Variants in TBXAS1 observed in about 807,000 individuals in gnomAD.
The protein encoded by TBXAS1 is thromboxane A synthase 1.
Under a neutral mutation model 60.7 loss-of-function variants are expected in TBXAS1, and 48 were observed. The ratio of observed to expected loss-of-function variants is 0.79; its 90% CI spans 0.63 to 1.01. The LOEUF is 1.01. Ranked by LOEUF, TBXAS1 falls within the 50% of genes least tolerant of loss-of-function variation. The pLI, the probability that TBXAS1 is intolerant of heterozygous loss-of-function variation, is 0.00. For missense variants in TBXAS1, 685 were observed against 686.3 expected, an observed-to-expected ratio of 1.00 and a Z score of 0.02; for synonymous variants, 287 against 269.7, an observed-to-expected ratio of 1.06 and a Z score of -0.63.
intron 1 of TBXAS1, among the ~76,000 whole-genome samples, chr7:139,779,379 C>G (rs1796903311): frequency 6.6e-6 from 1 of 152,156 alleles, no homozygotes; most frequent in Non-Finnish European, 1.5e-5. Flanking sequence ...ATAATCAATG[C>G]TACACTTCCT....
intron 4 of TBXAS1, among the ~76,000 whole-genome samples, chr7:139,799,818 C>T (rs1216355497): frequency 1.3e-5 from 2 of 152,208 alleles, no homozygotes; most frequent in East Asian, 3.8e-4. Flanking sequence ...ATGTGGCTTT[C>T]ACTTGGCTTC....
chr7:139,839,978 C>T, intron 1 of TBXAS1, among the ~76,000 whole-genome samples: 1 of 114,242 alleles, frequency 8.8e-6, no homozygotes. Flanking sequence ...GAGTGAAACT[C>T]TGTCTCAAAA....
At chr7:139,936,692 C>A (rs979028843) in intron 5 of TBXAS1, among the ~76,000 whole-genome samples, 1 of 152,190 alleles carries the variant, frequency 6.6e-6, no homozygotes, top group Non-Finnish European at 1.5e-5. Flanking sequence ...TTCAAGAGGG[C>A]CAGGGTGGCC....
rs753031062 is a variant in TBXAS1 at position 139,805,712 on chromosome 7, T to TTCTTTCTTTTCTC, written c.-80+18289_-80+18290insTTCTTTTCTCTCT. Among the ~76,000 whole-genome samples, 83 of 44,354 alleles carry TTCTTTCTTTTCTC rather than the reference T, an allele frequency of 1.9e-3. 1 individual carries two copies. Among genetic ancestry groups the TTCTTTCTTTTCTC allele is most frequent in the Admixed American group, 0.016 (69 of 4,314 alleles). The allele number at this position is 44,354 out of a possible 152,430, so 29.1% of individuals were successfully genotyped here. ...TTTCTTTCTTTCTTTCTTTCTTTCTTTCTCTCTCTCTCTCTCTCTTTCTTT... is the reference window on the plus strand; with the variant it reads ...TTTCTTTCTTTCTTTCTTTCTTTCTTTCTTTCTTTTCTCTCTCTCTCTCTCTCTCTCTTTCTTT... On this transcript the variant is annotated intron_variant, in intron 4 of 16. Transcript: ENST00000336425.
rs1047378163 is a variant in TBXAS1, at chr7:139,962,148, T to C, written c.1049T>C (p.Leu350Pro). ...GGCTATGAAATCATCACCAACACAC[T>C]TTCTTTTGCCACCTACCTACTGGCC... Reference protein sequence around the residue: ...IAGYEIITNTLSFATYLLATN... With the variant: ...IAGYEIITNTPSFATYLLATN... The change falls in exon 9 of 13, where the codon CTT becomes CCT. Residue 350 changes from leucine to proline, a missense_variant. By Grantham distance (98) the Leu-to-Pro change is moderately conservative (BLOSUM62 -3). Coordinates refer to ENST00000448866, the MANE Select transcript of TBXAS1 (RefSeq NM_001061.7). 7 of 1,614,052 alleles carry C rather than the reference T, an allele frequency of 4.3e-6. No individual in the cohort carries two copies. Among genetic ancestry groups the C allele is most frequent in the Non-Finnish European group, 5.9e-6 (7 of 1,180,044 alleles).
At chr7:139,978,924 T>C (rs1382881146) in intron 9 of TBXAS1, among the ~76,000 whole-genome samples, 2 of 152,098 alleles carry the variant, frequency 1.3e-5, no homozygotes, top group South Asian at 2.1e-4. Flanking sequence ...CACTGCACTC[T>C]AGCATGGGCG....
At chr7:140,019,329 G>C (rs1190344622) in intron 12 of TBXAS1, among the ~76,000 whole-genome samples, 1 of 152,120 alleles carries the variant, frequency 6.6e-6, no homozygotes, top group African/African-American at 2.4e-5. Flanking sequence ...CCACTGCATC[G>C]GGGCTTCCAC....
chr7:139,879,945 G>A (rs1022242059), intron 3 of TBXAS1, among the ~76,000 whole-genome samples: 24 of 151,170 alleles, frequency 1.6e-4, no homozygotes, highest in African/African-American at 5.6e-4. Flanking sequence ...GCAGTGGCAC[G>A]ATCTCAGCTC....
At chr7:139,996,827 G>C (rs886505022) in intron 9 of TBXAS1, among the ~76,000 whole-genome samples, 1 of 152,232 alleles carries the variant, frequency 6.6e-6, no homozygotes, top group African/African-American at 2.4e-5. Context: ...AGCATCAATA[G>C]GGAACAGCCA....
chr7:139,879,832 T>TTGTG (rs57176056), intron 3 of TBXAS1, among the ~76,000 whole-genome samples: 8,102 of 140,316 alleles, frequency 0.058, 292 homozygotes, highest in Admixed American at 0.097. Flanking sequence ...TTATCTCATT[T>TTGTG]TGTGTGTGTG....
chr7:139,951,951 AAAGAAAGAAAGAAAG>A (rs763368349), intron 5 of TBXAS1, among the ~76,000 whole-genome samples: 2 of 45,418 alleles, frequency 4.4e-5, no homozygotes, highest in African/African-American at 8.8e-5. Context: ...GAAAGAAAGA[AAAGAAAGAAAGAAAG>A]AAAGAAAGAA....
At chr7:139,945,823 C>G (rs560613422) in intron 5 of TBXAS1, among the ~76,000 whole-genome samples, 1 of 152,250 alleles carries the variant, frequency 6.6e-6, no homozygotes, top group African/African-American at 2.4e-5. Context: ...CCAGAGGGAT[C>G]AAGGTGTCTT....
chr7:139,917,964 T>G (rs1043571475), intron 4 of TBXAS1, among the ~76,000 whole-genome samples: 1 of 152,190 alleles, frequency 6.6e-6, no homozygotes, highest in African/African-American at 2.4e-5. Context: ...AATTTAGGCA[T>G]GAGAATAGAG....
At chr7:139,833,105 A>G (rs2116503819) in intron 1 of TBXAS1, among the ~76,000 whole-genome samples, 1 of 152,334 alleles carries the variant, frequency 6.6e-6, no homozygotes, top group South Asian at 2.1e-4. Flanking sequence ...GTACAGAGGC[A>G]ACAAAGAGCC....
chr7:139,893,560 T>C (rs770811724), intron 3 of TBXAS1, among the ~76,000 whole-genome samples: 9 of 152,236 alleles, frequency 5.9e-5, no homozygotes, highest in Admixed American at 2.0e-4. Flanking sequence ...TGATTCTTAC[T>C]GTGAAAAAAA....
intron 3 of TBXAS1, among the ~76,000 whole-genome samples, chr7:139,901,462 C>G: frequency 6.6e-6 from 1 of 150,948 alleles, no homozygotes; most frequent in Admixed American, 6.6e-5. Flanking sequence ...ATAACTAAAT[C>G]AATACAAATA....
chr7:139,879,530 T>C (rs1036433956), intron 3 of TBXAS1, among the ~76,000 whole-genome samples: 4 of 152,266 alleles, frequency 2.6e-5, no homozygotes, highest in African/African-American at 9.6e-5. Flanking sequence ...TTATATTCCT[T>C]CCCAAACTCT....
intron 9 of TBXAS1, among the ~76,000 whole-genome samples, chr7:139,997,154 A>T (rs1813354136): frequency 6.6e-6 from 1 of 152,178 alleles, no homozygotes; most frequent in Admixed American, 6.5e-5. Context: ...ACAGAACCGT[A>T]TCTTATCCCC....
chr7:139,995,472 G>A (rs1317353617), intron 9 of TBXAS1, among the ~76,000 whole-genome samples: 1 of 152,146 alleles, frequency 6.6e-6, no homozygotes, highest in African/African-American at 2.4e-5. Flanking sequence ...AAGGTCATGA[G>A]GCTGTCCCTG....
Sources: gnomAD v4.1 joint callset for allele counts (sites outside exome capture counted in the v4.1 genomes callset) on GRCh38, gnomAD v4.1.1 for gene constraint, MANE v1.5 for transcripts, NCBI Gene and HGNC (gene_info 2026-07-23, HGNC 2026-07-21) for gene names.